RASEF: variants seen among roughly 807,000 people sequenced by gnomAD.
The protein encoded by RASEF is RAS and EF-hand domain containing.
In RASEF, 68 loss-of-function variants were observed where a neutral mutation model predicts 90.1. The ratio of observed to expected loss-of-function variants is 0.75; its 90% CI spans 0.62 to 0.92. RASEF has a LOEUF of 0.92. RASEF is among the 40% of genes least tolerant of loss of function. The probability of loss-of-function intolerance (pLI) is 0.00; values close to 1 mark genes in which losing one functional copy is unlikely to be tolerated. For missense variants in RASEF, 949 were observed against 937.2 expected (o/e 1.01, Z -0.16); for synonymous variants, 331 against 345.2 (o/e 0.96, Z 0.46).
chr9:83,091,184 G>T, the RASEF span, among the ~76,000 whole-genome samples: 1 of 152,118 alleles, frequency 6.6e-6, no homozygotes, highest in African/African-American at 2.4e-5. Flanking sequence ...TCAGGTATTT[G>T]CTGTGCATGC....
Position 82,982,732 on chromosome 9 carries a change from A to G in RASEF, c.2168T>C (p.Leu723Pro), listed in dbSNP as rs1828633342. The change falls in exon 17 of 17, where the codon CTA becomes CCA. Residue 723 changes from leucine (L) to proline (P), a missense_variant. This residue lies in a region of RASEF where 288 missense variants were observed against 328.4 expected (regional missense o/e 0.88). Coordinates refer to ENST00000376447, the MANE Select transcript of RASEF (RefSeq NM_152573.4). ...TGACTTTTTGGAATTGGTCCCGGTTAGATTGGTAATGGATCTGCTGTCATC... is the reference window on the plus strand; with the variant it reads ...TGACTTTTTGGAATTGGTCCCGGTTGGATTGGTAATGGATCTGCTGTCATC... ...DKDDSRSITN[L>P]TGTNSKKSPQ... 2.5e-6 allele frequency: 4 copies of G among 1,611,634 alleles called. No homozygotes were observed. Among genetic ancestry groups the G allele is most frequent in the Non-Finnish European group, 8.5e-7 (1 of 1,177,922 alleles).
the RASEF span, among the ~76,000 whole-genome samples, chr9:83,183,753 T>C: frequency 3.3e-5 from 5 of 152,218 alleles, no homozygotes; most frequent in African/African-American, 1.2e-4. Flanking sequence ...TAAAGCAAAC[T>C]GCTGAGGAAA....
the RASEF span, among the ~76,000 whole-genome samples, chr9:83,089,308 A>C: frequency 6.6e-6 from 1 of 152,214 alleles, no homozygotes; most frequent in East Asian, 1.9e-4. Context: ...GATAGAAATA[A>C]AAATGAGCTA....
At chr9:83,217,082 G>A in the RASEF span, among the ~76,000 whole-genome samples, 2 of 151,902 alleles carry the variant, frequency 1.3e-5, no homozygotes, top group Non-Finnish European at 2.9e-5. Context: ...GATCATTTTG[G>A]AACTTTAAAG....
chr9:83,179,856 A>G, the RASEF span, among the ~76,000 whole-genome samples: 2 of 152,182 alleles, frequency 1.3e-5, no homozygotes, highest in Non-Finnish European at 2.9e-5. Flanking sequence ...GTAAAAGTGA[A>G]GACTACCTAA....
At chr9:83,210,468 T>C in the RASEF span, among the ~76,000 whole-genome samples, 1 of 152,212 alleles carries the variant, frequency 6.6e-6, no homozygotes, top group Non-Finnish European at 1.5e-5. Flanking sequence ...AGCAAGGTCA[T>C]GCATGATAAG....
the RASEF span, among the ~76,000 whole-genome samples, chr9:83,103,113 T>C: frequency 3.3e-5 from 5 of 152,298 alleles, no homozygotes; most frequent in East Asian, 9.7e-4. Flanking sequence ...TGAAGTCAAA[T>C]ACCCAAGGCA....
chr9:82,992,523 A>G (rs1171523329), intron 15 of RASEF, among the ~76,000 whole-genome samples: 11 of 152,194 alleles, frequency 7.2e-5, no homozygotes. Flanking sequence ...CTTTGGCATT[A>G]TAACCCTCTG....
the RASEF span, among the ~76,000 whole-genome samples, chr9:83,147,963 C>T: frequency 2.3e-4 from 35 of 152,028 alleles, no homozygotes; most frequent in Middle Eastern, 0.01. Flanking sequence ...TCTGTTCCTC[C>T]GCTCTTCTGC....
chr9:83,199,217 C>G, the RASEF span, among the ~76,000 whole-genome samples: 1 of 122,272 alleles, frequency 8.2e-6, no homozygotes, highest in African/African-American at 3.2e-5. Flanking sequence ...TCTGGACAGC[C>G]CTAATTTAAA....
the RASEF span, among the ~76,000 whole-genome samples, chr9:83,091,272 A>G: frequency 6.6e-6 from 1 of 152,130 alleles, no homozygotes; most frequent in Non-Finnish European, 1.5e-5. Context: ...ATGGACATCT[A>G]GCCAGGTGCA....
At chr9:83,132,488 C>T in the RASEF span, among the ~76,000 whole-genome samples, 1 of 152,150 alleles carries the variant, frequency 6.6e-6, no homozygotes, top group South Asian at 2.1e-4. Flanking sequence ...GACCCATGGA[C>T]ACTCTAGGTG....
chr9:83,111,837 T>C, the RASEF span, among the ~76,000 whole-genome samples: 1 of 151,938 alleles, frequency 6.6e-6, no homozygotes, highest in Non-Finnish European at 1.5e-5. Flanking sequence ...ATAAAGGAGA[T>C]TAATAAATAA....
At chr9:83,158,720 ATG>A in the RASEF span, among the ~76,000 whole-genome samples, 2 of 142,320 alleles carry the variant, frequency 1.4e-5, no homozygotes, top group African/African-American at 5.8e-5. Flanking sequence ...ATATACATAT[ATG>A]TATATATTTA....
upstream of RASEF, among the ~76,000 whole-genome samples, chr9:83,065,245 A>G (rs1034154549): frequency 6.6e-6 from 1 of 152,200 alleles, no homozygotes; most frequent in Non-Finnish European, 1.5e-5. Flanking sequence ...TTATTTGTTC[A>G]TAATTCCATT....
At chr9:83,210,399 T>C in the RASEF span, among the ~76,000 whole-genome samples, 1 of 152,222 alleles carries the variant, frequency 6.6e-6, no homozygotes, top group East Asian at 1.9e-4. Context: ...CTTTGCAGAA[T>C]AGGGGACCGA....
intron 7 of RASEF, among the ~76,000 whole-genome samples, chr9:83,007,115 C>T (rs1005358449): frequency 1.4e-5 from 2 of 147,628 alleles, no homozygotes; most frequent in South Asian, 2.2e-4. Flanking sequence ...AAAAAACTCA[C>T]GGTACAGAAC....
intron 3 of RASEF, among the ~76,000 whole-genome samples, chr9:83,016,141 G>A (rs1376666385): frequency 2.6e-5 from 4 of 152,050 alleles, no homozygotes; most frequent in South Asian, 2.1e-4. Context: ...CACCTCACCC[G>A]GGAGTGACAC....
chr9:83,108,992 T>A, the RASEF span, among the ~76,000 whole-genome samples: 1 of 152,174 alleles, frequency 6.6e-6, no homozygotes, highest in Non-Finnish European at 1.5e-5. Flanking sequence ...GTCTCTAGCA[T>A]CAATATTGAA....
Sources: allele counts gnomAD v4.1 joint callset (sites outside exome capture counted in the v4.1 genomes callset), GRCh38; gene constraint gnomAD v4.1.1; regional missense constraint gnomAD v4.1.1; transcripts MANE v1.5; gene names NCBI Gene and HGNC (gene_info 2026-07-23, HGNC 2026-07-21).